Variants in GULP1 observed in about 807,000 individuals in gnomAD.
The protein encoded by GULP1 is GULP PTB domain containing engulfment adaptor 1.
In GULP1, 19 loss-of-function variants were observed where a neutral mutation model predicts 40.9. That is an observed-to-expected ratio of 0.46 (90% confidence interval 0.32 to 0.68). GULP1 has a LOEUF of 0.68. GULP1 is among the 30% of genes least tolerant of loss of function. The pLI is 0.03. For missense variants in GULP1, 312 were observed against 362.2 expected, an observed-to-expected ratio of 0.86 and a Z score of 1.12; for synonymous variants, 119 against 117.6, an observed-to-expected ratio of 1.01 and a Z score of -0.08.
chr2:188,383,657 A>C (rs1489136547), intron 1 of GULP1, 106 bp from the exon 2 acceptor site: 1 of 152,210 alleles, frequency 6.6e-6, no homozygotes, highest in Non-Finnish European at 1.5e-5. Flanking sequence ...GAACATTTGC[A>C]AGAAGCATAA....
chr2:188,421,281 A>G (rs2055369746), intron 2 of GULP1, among the ~76,000 whole-genome samples: 1 of 152,204 alleles, frequency 6.6e-6, no homozygotes, highest in African/African-American at 2.4e-5. Context: ...ATTCGTCAAC[A>G]ATAAATTTAA....
intron 9 of GULP1, among the ~76,000 whole-genome samples, chr2:188,570,875 A>G (rs1020564156): frequency 6.6e-6 from 1 of 152,190 alleles, no homozygotes; most frequent in Non-Finnish European, 1.5e-5. Context: ...TTTAATATCT[A>G]TGCCAAGCAC....
intron 4 of GULP1, among the ~76,000 whole-genome samples, chr2:188,485,724 A>C (rs1240797422): frequency 2.0e-5 from 3 of 151,988 alleles, no homozygotes; most frequent in Non-Finnish European, 4.4e-5. Flanking sequence ...GTGATTACTC[A>C]TCAGTAAATA....
intron 7 of GULP1, among the ~76,000 whole-genome samples, chr2:188,552,834 T>A (rs1040570302): frequency 6.6e-6 from 1 of 150,810 alleles, no homozygotes; most frequent in Non-Finnish European, 1.5e-5. Context: ...AACTTTTACC[T>A]CCTTGGTTAA....
intron 2 of GULP1, among the ~76,000 whole-genome samples, chr2:188,449,510 A>G (rs1011781003): frequency 3.5e-4 from 53 of 152,298 alleles, no homozygotes; most frequent in African/African-American, 1.3e-3. Context: ...ACTTCTGGGG[A>G]TAGCATTATG....
chr2:188,352,144 G>A (rs1337471249), intron 1 of GULP1, among the ~76,000 whole-genome samples: 4 of 152,140 alleles, frequency 2.6e-5, no homozygotes, highest in African/African-American at 9.7e-5. Flanking sequence ...CTAGGTCACG[G>A]TGTGCCTAGA....
At chr2:188,566,495 T>C (rs1399644070) in intron 7 of GULP1, among the ~76,000 whole-genome samples, 2 of 152,216 alleles carry the variant, frequency 1.3e-5, no homozygotes, top group East Asian at 3.9e-4. Flanking sequence ...CTTTATAATG[T>C]ACAAATTGAG....
intron 4 of GULP1, among the ~76,000 whole-genome samples, chr2:188,489,487 C>T (rs1203675497): frequency 6.6e-6 from 1 of 151,970 alleles, no homozygotes; most frequent in Non-Finnish European, 1.5e-5. Flanking sequence ...CTTTAAAAAA[C>T]ATTTTATTAG....
intron 2 of GULP1, among the ~76,000 whole-genome samples, chr2:188,411,114 C>T (rs1020516538): frequency 1.7e-4 from 26 of 151,828 alleles, no homozygotes; most frequent in African/African-American, 6.1e-4. Flanking sequence ...GTGAGCTTCA[C>T]TGGCTGATCG....
intron 4 of GULP1, among the ~76,000 whole-genome samples, chr2:188,493,003 G>A (rs886574957): frequency 2.0e-5 from 3 of 151,994 alleles, no homozygotes; most frequent in Admixed American, 6.6e-5. Flanking sequence ...GATTTGCAAC[G>A]TTTACATTTT....
chr2:188,309,802 T>C (rs551025007), intron 1 of GULP1, among the ~76,000 whole-genome samples: 2 of 152,280 alleles, frequency 1.3e-5, no homozygotes, highest in Non-Finnish European at 2.9e-5. Flanking sequence ...GCTGCTGGGG[T>C]TCCTGCTTTT....
chr2:188,381,049 A>G (rs1248203874), intron 1 of GULP1, among the ~76,000 whole-genome samples: 1 of 152,092 alleles, frequency 6.6e-6, no homozygotes, highest in Non-Finnish European at 1.5e-5. Flanking sequence ...TTCATACTAA[A>G]ATTTTAAGAA....
intron 2 of GULP1, among the ~76,000 whole-genome samples, chr2:188,465,627 G>C (rs979203179): frequency 6.6e-6 from 1 of 152,094 alleles, no homozygotes; most frequent in African/African-American, 2.4e-5. Flanking sequence ...TCCAAACACT[G>C]GGATTGGCAA....
intron 1 of GULP1, among the ~76,000 whole-genome samples, chr2:188,366,389 GA>G (rs1559155802): frequency 6.6e-6 from 1 of 151,968 alleles, no homozygotes; most frequent in East Asian, 1.9e-4. Context: ...CAATTCAAGA[GA>G]AAAAAATAAG....
chr2:188,430,834 C>T (rs1369563510), intron 2 of GULP1, among the ~76,000 whole-genome samples: 2 of 152,134 alleles, frequency 1.3e-5, no homozygotes, highest in African/African-American at 4.8e-5. Flanking sequence ...TCTGATCTTC[C>T]TTGTTGGACT....
At chr2:188,428,582 C>T (rs2056492342) in intron 2 of GULP1, among the ~76,000 whole-genome samples, 1 of 152,100 alleles carries the variant, frequency 6.6e-6, no homozygotes, top group African/African-American at 2.4e-5. Flanking sequence ...TATGGCACCT[C>T]GTTCTTCTCT....
intron 7 of GULP1, among the ~76,000 whole-genome samples, chr2:188,543,916 G>T (rs551193735): frequency 6.6e-6 from 1 of 151,872 alleles, no homozygotes; most frequent in Non-Finnish European, 1.5e-5. Flanking sequence ...TTTTAGTAAG[G>T]CACAAGACTG....
intron 10 of GULP1, 95 bp downstream of exon 10, chr2:188,584,498 CCTTA>C (rs1290363056): frequency 5.2e-5 from 27 of 519,652 alleles, no homozygotes; most frequent in African/African-American, 1.0e-4. Flanking sequence ...ATCTTAACAA[CCTTA>C]CTTACAATTT....
intron 2 of GULP1, among the ~76,000 whole-genome samples, chr2:188,459,604 AT>A (rs2059543671): frequency 6.6e-6 from 1 of 152,030 alleles, no homozygotes; most frequent in African/African-American, 2.4e-5. Context: ...CAAATTTTTT[AT>A]CCCATTGATT....
Sources: gnomAD v4.1 joint callset for allele counts (sites outside exome capture counted in the v4.1 genomes callset) on GRCh38, gnomAD v4.1.1 for gene constraint, MANE v1.5 for transcripts, NCBI Gene and HGNC (gene_info 2026-07-23, HGNC 2026-07-21) for gene names.